The following EPS8 variants were observed in gnomAD, a reference collection of about 807,000 sequenced individuals.
EPS8 encodes the protein EGFR pathway substrate 8, signaling adaptor.
Under a neutral mutation model 103.8 loss-of-function variants are expected in EPS8, and 42 were observed. The observed-to-expected ratio is 0.40, with a 90% CI of 0.32 to 0.52. The LOEUF (loss-of-function observed/expected upper bound fraction) is 0.52. Ranked by LOEUF, EPS8 falls within the 20% of genes least tolerant of loss-of-function variation. The probability of loss-of-function intolerance (pLI) is 0.40; values close to 1 mark genes in which losing one functional copy is unlikely to be tolerated. For missense variants in EPS8, 969 were observed against 1,005.1 expected, an observed-to-expected ratio of 0.96 and a Z score of 0.49; for synonymous variants, 344 against 344.6, an observed-to-expected ratio of 1.00 and a Z score of 0.02.
Position 15,771,322 on chromosome 12 carries a change from TA to T in EPS8, c.-22+17838del, listed in dbSNP as rs1040503734. Among the ~76,000 whole-genome samples, 2 of 152,128 alleles carry T rather than the reference TA, an allele frequency of 1.3e-5. No homozygotes were observed. Among genetic ancestry groups the T allele is most frequent in the African/African-American group, 4.8e-5 (2 of 41,416 alleles). On this transcript the variant is annotated intron_variant, in intron 1 of 20. Transcript: ENST00000281172. The surrounding 1 kb of genome is among the most constrained non-coding windows in gnomAD (Gnocchi z 4.6). ...GGAAAGCGGGTAGTGAGGCTAAAATTAAAGAAAGTCACCAGGTTGTGAAAAG... is the reference window on the plus strand; with the variant it reads ...GGAAAGCGGGTAGTGAGGCTAAAATTAAGAAAGTCACCAGGTTGTGAAAAG...
intron 1 of EPS8, among the ~76,000 whole-genome samples, chr12:15,707,119 T>C (rs1946397667): frequency 1.3e-5 from 2 of 152,200 alleles, no homozygotes; most frequent in Admixed American, 1.3e-4. Context: ...TGTAGCCCCA[T>C]GAAATATTAC....
Position 15,631,552 on chromosome 12 carries a change from A to G in EPS8, c.1934T>C (p.Val645Ala), listed in dbSNP as rs1945046381. 1 of 1,613,940 alleles carries G rather than the reference A, an allele frequency of 6.2e-7. No individual in the cohort carries two copies. The highest frequency in any genetic ancestry group is 1.3e-5 in the African/African-American group (1 of 74,880). Reference protein sequence around the residue: ...VPLPPSTPAPVPVSKVPANIT... With the variant: ...VPLPPSTPAPAPVSKVPANIT... ...ATTTGCTGGGACCTTTGACACAGGA[A>G]CAGGTGCTGGAGTGGAAGGGGGAAG... The change falls in exon 18 of 21, where the codon GTT becomes GCT. Residue 645 changes from valine (V) to alanine (A), a missense_variant. Physicochemically the swap from Val to Ala is moderately conservative, Grantham distance 64. Coordinates refer to ENST00000281172, the MANE Select transcript of EPS8 (RefSeq NM_004447.6).
intron 1 of EPS8, among the ~76,000 whole-genome samples, chr12:15,770,947 C>A (rs1947147906): frequency 6.6e-6 from 1 of 152,164 alleles, no homozygotes. Flanking sequence ...CCACTCCAGG[C>A]TTTAAGGCCT....
chr12:15,651,509 A>G (rs1945413596), intron 13 of EPS8, among the ~76,000 whole-genome samples: 1 of 152,196 alleles, frequency 6.6e-6, no homozygotes, highest in Non-Finnish European at 1.5e-5. Flanking sequence ...AAATTTATGA[A>G]GTCCCCTAAA....
chr12:15,637,174 T>A (rs1225186167), intron 17 of EPS8, among the ~76,000 whole-genome samples: 1 of 152,184 alleles, frequency 6.6e-6, no homozygotes, highest in Non-Finnish European at 1.5e-5. Context: ...GTGTGTGCCA[T>A]CATGCCTGGG....
In EPS8 at chr12:15,658,088, TG is replaced by T; in HGVS notation, c.1091del (p.Pro364HisfsTer2). On this transcript the variant is annotated frameshift_variant, in exon 12 of 21. Coordinates refer to ENST00000281172, the MANE Select transcript of EPS8 (RefSeq NM_004447.6). LOFTEE classifies it high-confidence loss of function. ...ACTAATAAAATCTCACCATATTTAATGGAGTAAACAAAAAGTGAACCAAATC... is the reference window on the plus strand; with the variant it reads ...ACTAATAAAATCTCACCATATTTAATGAGTAAACAAAAAGTGAACCAAATC... ...AADLVHFLFT[P>X]LNMVVQATGG... 1 of 1,588,030 alleles carries T rather than the reference TG, an allele frequency of 6.3e-7. No homozygotes were observed. The highest frequency in any genetic ancestry group is 8.6e-7 in the Non-Finnish European group (1 of 1,157,122).
rs1477529644 is a variant in EPS8 at position 15,736,680 on chromosome 12, C to T, written c.-22+52481G>A. Among the ~76,000 whole-genome samples the T allele has an allele frequency of 6.6e-6, 1 of 151,832 alleles. No individual in the cohort carries two copies. Among genetic ancestry groups the T allele is most frequent in the Non-Finnish European group, 1.5e-5 (1 of 67,978 alleles). ...AGGAAGCTAGGGTTGCTAGATGTGG[C>T]AGAAAGAAGAAAGAAATTGGTGTAT... On this transcript the variant is annotated intron_variant, in intron 1 of 20. Transcript: ENST00000281172. This position sits in a 1 kb window ranked among gnomAD's most constrained non-coding sequence, Gnocchi z 4.2.
rs1321698863 is a variant in EPS8, at chr12:15,771,442, A to G, written c.-22+17719T>C. ...CAAGACTGATCTGAAAGTAGTAATT[A>G]ACATGAATTGAAGTAGGACAGAGGC... is the stretch of plus-strand genomic sequence containing the variant. On this transcript the variant is annotated intron_variant, in intron 1 of 20. Transcript: ENST00000281172. The surrounding 1 kb of genome is among the most constrained non-coding windows in gnomAD (Gnocchi z 4.6). 6.6e-6 allele frequency among the ~76,000 whole-genome samples: 1 copy of G among 152,206 alleles called. No individual in the cohort carries two copies. Among genetic ancestry groups the G allele is most frequent in the African/African-American group, 2.4e-5 (1 of 41,452 alleles).
chr12:15,685,220 C>T (rs10744095), intron 1 of EPS8, among the ~76,000 whole-genome samples: 151,309 of 152,308 alleles, frequency 0.99, 75,168 homozygotes, highest in Middle Eastern at 1. Flanking sequence ...CTGGCACTAA[C>T]TGGGCTAGGA....
Position 15,770,990 on chromosome 12 carries a change from C to A in EPS8, c.-22+18171G>T, listed in dbSNP as rs1258806753. ...AGTAAAAATCAGATATGGAGCCTAC[C>A]TTAGAGGAGCTTGATACCTGGTATC... On this transcript the variant is annotated intron_variant, in intron 1 of 20. Coordinates refer to ENST00000281172, the MANE Select transcript of EPS8 (RefSeq NM_004447.6). Among the ~76,000 whole-genome samples, 6 of 152,130 alleles carry A rather than the reference C, an allele frequency of 3.9e-5. No homozygotes were observed. The East Asian group carries it at 1.2e-3, about 29-fold the overall frequency.
At position 15,783,959 on chromosome 12, in the gene EPS8, C is replaced by CA. The variant is rs943676473; in HGVS notation, c.-22+5201dup. Among the ~76,000 whole-genome samples the CA allele has an allele frequency of 5.1e-4, 76 of 147,930 alleles. 1 individual carries two copies. Among genetic ancestry groups the CA allele is most frequent in the South Asian group, 3.6e-3 (17 of 4,712 alleles). The stretch of plus-strand genomic sequence containing the variant: ...GCTGGTACAACTAGGAATCCATATG[C>CA]AAAAAAAAAATTAATCTAGACACAG... On this transcript the variant is annotated intron_variant, in intron 1 of 20. Coordinates refer to ENST00000281172, the MANE Select transcript of EPS8 (RefSeq NM_004447.6).
At chr12:15,642,787 G>A (rs1439925118) in intron 15 of EPS8, among the ~76,000 whole-genome samples, 1 of 152,086 alleles carries the variant, frequency 6.6e-6, no homozygotes, top group African/African-American at 2.4e-5. Flanking sequence ...CAAGTTCTCT[G>A]GAATGTTATA....
chr12:15,640,724 T>C lies in EPS8; in HGVS notation c.1800A>G (p.Pro600=). ...PPESGLGRAD[P]PYTHTIQKQR... is the part of the protein sequence containing the mutation. The stretch of plus-strand genomic sequence containing the variant: ...TCACCTGTATAGTATGAGTATAAGG[T>C]GGATCAGCACGCCCCAATCCAGATT... The change falls in exon 17 of 21, where the codon CCA becomes CCG. Residue 600 remains proline, a synonymous_variant. Transcript: ENST00000281172. 6.2e-7 allele frequency: 1 copy of C among 1,614,042 alleles called. No homozygotes were observed. Among genetic ancestry groups the C allele is most frequent in the Non-Finnish European group, 8.5e-7 (1 of 1,179,932 alleles).
chr12:15,626,539 G>C (rs185367664), intron 18 of EPS8, among the ~76,000 whole-genome samples: 189 of 149,192 alleles, frequency 1.3e-3, no homozygotes, highest in Admixed American at 2.5e-3. Context: ...TGAGGCAGGA[G>C]AATCTCTTGA....
intron 1 of EPS8, among the ~76,000 whole-genome samples, chr12:15,741,926 A>G (rs143352228): frequency 6.6e-6 from 1 of 152,008 alleles, no homozygotes; most frequent in Admixed American, 6.5e-5. Context: ...AAGTGTTCTC[A>G]CTGTTCAGTT....
In EPS8 at chr12:15,670,874, T is replaced by G; in HGVS notation, c.186A>C (p.Ile62=). The change falls in exon 4 of 21, where the codon ATA becomes ATC. Residue 62 remains isoleucine, a synonymous_variant. Transcript: ENST00000281172. ...ATCTTACTTCAACACGGTATTGAGA[T>G]ATATCTGACACACTGCTGACACTGT... ...ARDSVSSVSD[I]SQYRVEHLTT... 6.2e-7 allele frequency: 1 copy of G among 1,611,470 alleles called. No individual in the cohort carries two copies. The highest frequency in any genetic ancestry group is 8.5e-7 in the Non-Finnish European group (1 of 1,178,008).
At position 15,714,849 on chromosome 12, in the gene EPS8, C is replaced by T. The variant is rs948596976; in HGVS notation, c.-21-31877G>A. ...TATTTAGAAAAGCAATAGTCAATGTCAGAAGTCAATTGCCTGGCAGAACCT... is the reference window on the plus strand; with the variant it reads ...TATTTAGAAAAGCAATAGTCAATGTTAGAAGTCAATTGCCTGGCAGAACCT... On this transcript the variant is annotated intron_variant, in intron 1 of 20. Transcript: ENST00000281172. This position sits in a 1 kb window ranked among gnomAD's most constrained non-coding sequence, Gnocchi z 4.1. 7.2e-5 allele frequency among the ~76,000 whole-genome samples: 11 copies of T among 152,160 alleles called. No homozygotes were observed. Among genetic ancestry groups the T allele is most frequent in the Non-Finnish European group, 1.5e-4 (10 of 68,030 alleles).
intron 18 of EPS8, among the ~76,000 whole-genome samples, chr12:15,627,412 C>T (rs1449716235): frequency 6.6e-6 from 1 of 152,108 alleles, no homozygotes; most frequent in African/African-American, 2.4e-5. Flanking sequence ...TGGAACGGTG[C>T]TTTAATTCAA....
In EPS8 at chr12:15,662,999, CAA is replaced by C. The variant is rs5796644; in HGVS notation, c.737-902_737-901del. On this transcript the variant is annotated intron_variant, in intron 8 of 20. Transcript: ENST00000281172. ...TACCTGTAACTGGAACACTTGCCAA[CAA>C]AAAAAAAAAAAAAAAGAAAGAAGAA... Among the ~76,000 whole-genome samples, 520 of 128,616 alleles carry C rather than the reference CAA, an allele frequency of 4.0e-3. 1 individual carries two copies. Among genetic ancestry groups the C allele is most frequent in the Middle Eastern group, 0.017 (4 of 242 alleles). 84.4% of individuals were successfully genotyped at this position (128,616 alleles called of 152,430 possible). A position where few individuals can be genotyped will look rare whatever the true frequency, so the allele number is the denominator to read the frequency against.
Sources: allele counts gnomAD v4.1 joint callset (sites outside exome capture counted in the v4.1 genomes callset), GRCh38; gene constraint gnomAD v4.1.1; non-coding constraint Gnocchi (gnomAD v3.1); transcripts MANE v1.5; gene names NCBI Gene and HGNC (gene_info 2026-07-23, HGNC 2026-07-21).